The following ELMOD1 variants were observed in gnomAD, a reference collection of about 807,000 sequenced individuals.
ELMOD1 encodes the protein ELMO domain-containing protein 1.
A neutral mutation model predicts 46.7 loss-of-function variants in ELMOD1; 21 were observed. The observed-to-expected ratio is 0.45, with a 90% CI of 0.32 to 0.65. The LOEUF is 0.65. Ranked by LOEUF, ELMOD1 falls within the 30% of genes least tolerant of loss-of-function variation. The pLI is 0.04. For missense variants in ELMOD1, 348 were observed against 407.8 expected (o/e 0.85, Z 1.26); for synonymous variants, 122 against 138.2 (o/e 0.88, Z 0.82).
chr11:107,660,766 G>A (rs951047037), intron 11 of ELMOD1, among the ~76,000 whole-genome samples: 2 of 152,208 alleles, frequency 1.3e-5, no homozygotes, highest in Non-Finnish European at 2.9e-5. Context: ...ATGAGATGGT[G>A]GAAAATAGCC....
chr11:107,649,692 T>C (rs555570334), intron 7 of ELMOD1, among the ~76,000 whole-genome samples: 1 of 152,322 alleles, frequency 6.6e-6, no homozygotes, highest in East Asian at 1.9e-4. Flanking sequence ...TTTGGATTGA[T>C]GCGGGAAATA....
intron 1 of ELMOD1, among the ~76,000 whole-genome samples, chr11:107,617,005 C>T (rs1305997400): frequency 6.6e-6 from 1 of 152,162 alleles, no homozygotes; most frequent in African/African-American, 2.4e-5. Context: ...TATGTTCCCA[C>T]CACTCAAAAT....
At chr11:107,648,645 T>C (rs758184395) in intron 7 of ELMOD1, among the ~76,000 whole-genome samples, 1 of 152,252 alleles carries the variant, frequency 6.6e-6, no homozygotes, top group Non-Finnish European at 1.5e-5. Context: ...CTTGGTTTCC[T>C]TGTAGAGTAC....
intron 1 of ELMOD1, chr11:107,592,064 G>A: frequency 2.2e-6 from 1 of 452,076 alleles, no homozygotes; most frequent in Non-Finnish European, 4.6e-6. Context: ...TAAAAGCAGA[G>A]CAGTGGAGTG....
intron 1 of ELMOD1, among the ~76,000 whole-genome samples, chr11:107,617,834 C>CT (rs1266943309): frequency 2.0e-5 from 3 of 151,980 alleles, no homozygotes; most frequent in African/African-American, 7.3e-5. Context: ...GAACAATACC[C>CT]AAAATAAAGG....
At chr11:107,628,559 G>A (rs560166639) in intron 2 of ELMOD1, among the ~76,000 whole-genome samples, 1 of 150,802 alleles carries the variant, frequency 6.6e-6, no homozygotes. Flanking sequence ...GTTTTTTGGG[G>A]TGTTTTTTTT....
chr11:107,641,043 G>T (rs1449718018), intron 6 of ELMOD1, among the ~76,000 whole-genome samples: 1 of 152,152 alleles, frequency 6.6e-6, no homozygotes, highest in Non-Finnish European at 1.5e-5. Context: ...TTTCTAACAG[G>T]CACTTTGGGA....
chr11:107,612,432 C>T (rs1039317327), intron 1 of ELMOD1, among the ~76,000 whole-genome samples: 8 of 152,130 alleles, frequency 5.3e-5, no homozygotes, highest in African/African-American at 9.7e-5. Flanking sequence ...GTGACAGGAT[C>T]GATTGTACCT....
chr11:107,595,833 A>G (rs1187132672), intron 1 of ELMOD1, among the ~76,000 whole-genome samples: 3 of 152,046 alleles, frequency 2.0e-5, no homozygotes, highest in African/African-American at 7.2e-5. Context: ...TATAAAATAA[A>G]CTCTTAAGTG....
chr11:107,665,180 G>A lies in ELMOD1; in HGVS notation c.988G>A (p.Gly330Ser). Residue 330 changes from glycine (G) to serine (S), a missense_variant, in exon 12 of 12, where the codon GGT becomes AGT. Transcript: ENST00000265840. Reference sequence around the variant, plus strand: ...GTGCCCACATTTTGCTGCCTCGGAAGGTTTAATCAACATGTAGTTGCCCAC... The same window carrying A: ...GTGCCCACATTTTGCTGCCTCGGAAAGTTTAATCAACATGTAGTTGCCCAC... ...ALCPHFAASE[G>S]LINM is the part of the protein sequence containing the mutation. 3.1e-6 allele frequency: 5 copies of A among 1,613,854 alleles called. No individual in the cohort carries two copies. Among genetic ancestry groups the A allele is most frequent in the Non-Finnish European group, 4.2e-6 (5 of 1,179,850 alleles).
At chr11:107,662,006 T>G (rs1298099429) in intron 11 of ELMOD1, among the ~76,000 whole-genome samples, 2 of 152,092 alleles carry the variant, frequency 1.3e-5, no homozygotes, top group Non-Finnish European at 2.9e-5. Context: ...ATATGAGAAA[T>G]GATGAGGAGA....
rs142390356 is a variant in ELMOD1 at position 107,617,636 on chromosome 11, C to A, written c.-85-469C>A. Among the ~76,000 whole-genome samples, 39 of 152,294 alleles carry A rather than the reference C, an allele frequency of 2.6e-4. No individual in the cohort carries two copies. The East Asian group carries it at 6.2e-3, about 24-fold the overall frequency. On this transcript the variant is annotated intron_variant, in intron 1 of 11. Transcript: ENST00000265840. The stretch of plus-strand genomic sequence containing the variant: ...GTAGTATCTTGCGCTTTAAGTGATT[C>A]TTGAGCTTGAGCTCTTTAACAGTTG...
rs777896721 is a variant in ELMOD1 at position 107,665,205 on chromosome 11, C to T, written c.*8C>T. 1.2e-5 allele frequency: 20 copies of T among 1,612,980 alleles called. No individual in the cohort carries two copies. The Admixed American group carries it at 1.8e-4, about 15-fold the overall frequency. On this transcript the variant is annotated 3_prime_UTR_variant, in exon 12 of 12. Coordinates refer to ENST00000265840, the MANE Select transcript of ELMOD1 (RefSeq NM_018712.4). Reference sequence around the variant, plus strand: ...GGTTTAATCAACATGTAGTTGCCCACGCCGGTTTTAATGGATACCCTGGAA... The same window carrying T: ...GGTTTAATCAACATGTAGTTGCCCATGCCGGTTTTAATGGATACCCTGGAA...
At chr11:107,657,996 A>G (rs1037159595) in intron 11 of ELMOD1, among the ~76,000 whole-genome samples, 3 of 152,244 alleles carry the variant, frequency 2.0e-5, no homozygotes, top group African/African-American at 7.2e-5. Context: ...AAATAAACAA[A>G]AGAAGGCAGT....
intron 11 of ELMOD1, among the ~76,000 whole-genome samples, chr11:107,661,479 T>C (rs979329679): frequency 6.6e-6 from 1 of 152,242 alleles, no homozygotes. Flanking sequence ...ATGCTGTCAC[T>C]CATGAAATAC....
intron 6 of ELMOD1, chr11:107,643,561 A>G (rs1446519036): frequency 1.9e-6 from 1 of 516,700 alleles, no homozygotes; most frequent in Non-Finnish European, 4.0e-6. Context: ...TATGAGCCAC[A>G]CAAAGAAAAC....
rs191058024 is a variant in ELMOD1 at position 107,637,121 on chromosome 11, A to C, written c.420+1356A>C. Among the ~76,000 whole-genome samples the C allele has an allele frequency of 1.8e-3, 278 of 152,360 alleles. 3 individuals carry two copies. Among genetic ancestry groups the C allele is most frequent in the Non-Finnish European group, 3.3e-3 (227 of 68,024 alleles). On this transcript the variant is annotated intron_variant, in intron 6 of 11. Coordinates refer to ENST00000265840, the MANE Select transcript of ELMOD1 (RefSeq NM_018712.4). Reference sequence around the variant, plus strand: ...CGAATTATTATAGTTCATTAGCTACATCTCGAGAACTTGTATATGACTTTT... The same window carrying C: ...CGAATTATTATAGTTCATTAGCTACCTCTCGAGAACTTGTATATGACTTTT...
At chr11:107,617,788 T>C (rs1258241105) in intron 1 of ELMOD1, among the ~76,000 whole-genome samples, 1 of 152,244 alleles carries the variant, frequency 6.6e-6, no homozygotes, top group Non-Finnish European at 1.5e-5. Flanking sequence ...TTCTTCATTT[T>C]TATTTTTCTT....
intron 1 of ELMOD1, 35 bp from the exon 2 acceptor site, chr11:107,618,070 A>G: frequency 2.5e-6 from 3 of 1,188,640 alleles, no homozygotes; most frequent in Non-Finnish European, 3.7e-6. Flanking sequence ...CAGCCTTATT[A>G]GTAAATATAC....
Sources: gnomAD v4.1 joint callset for allele counts (sites outside exome capture counted in the v4.1 genomes callset) on GRCh38, gnomAD v4.1.1 for gene constraint, MANE v1.5 for transcripts, NCBI Gene and HGNC (gene_info 2026-07-23, HGNC 2026-07-21) for gene names.